HCN1: variants seen among roughly 807,000 people sequenced by gnomAD.
HCN1 encodes hyperpolarization activated cyclic nucleotide gated potassium channel 1.
HCN1 carries 13 observed loss-of-function variants against 78.9 expected under a neutral mutation model. That is an observed-to-expected ratio of 0.16 (90% CI 0.11 to 0.26). The LOEUF (loss-of-function observed/expected upper bound fraction) is 0.26, where lower values mean the gene tolerates loss of function less well. Among genes scored for constraint, HCN1 ranks in the 10% least tolerant of loss-of-function variants. The probability of loss-of-function intolerance (pLI) is 1.00; values close to 1 mark genes in which losing one functional copy is unlikely to be tolerated. For synonymous variants in HCN1, 552 were observed against 455.5 expected (o/e 1.21, Z -2.70); for missense variants, 810 against 1,154.3 (o/e 0.70, Z 4.32).
chr5:45,451,044 T>C (rs1225031231), intron 3 of HCN1, among the ~76,000 whole-genome samples: 1 of 152,144 alleles, frequency 6.6e-6, no homozygotes, highest in Non-Finnish European at 1.5e-5. Flanking sequence ...AATTTTGCAA[T>C]AATTTAATTC....
chr5:45,341,928 G>A (rs1466289565), intron 5 of HCN1, among the ~76,000 whole-genome samples: 1 of 152,030 alleles, frequency 6.6e-6, no homozygotes, highest in Non-Finnish European at 1.5e-5. Flanking sequence ...AGATCATTAG[G>A]CATCTACCTT....
At chr5:45,567,182 A>T (rs1390799507) in intron 2 of HCN1, among the ~76,000 whole-genome samples, 2 of 152,072 alleles carry the variant, frequency 1.3e-5, no homozygotes, top group Non-Finnish European at 2.9e-5. Flanking sequence ...ATGGAAATTT[A>T]TTCATCTGCC....
chr5:45,348,434 A>C (rs1222759720), intron 5 of HCN1, among the ~76,000 whole-genome samples: 1 of 152,158 alleles, frequency 6.6e-6, no homozygotes, highest in Non-Finnish European at 1.5e-5. Context: ...AAAGGCCATC[A>C]AGGCTAGGAA....
intron 1 of HCN1, among the ~76,000 whole-genome samples, chr5:45,657,194 C>A (rs1372071051): frequency 6.6e-6 from 1 of 152,146 alleles, no homozygotes; most frequent in Non-Finnish European, 1.5e-5. Flanking sequence ...AATCCTACAG[C>A]ATACTTTAAG....
At chr5:45,587,484 G>T (rs1744256636) in intron 2 of HCN1, among the ~76,000 whole-genome samples, 1 of 150,508 alleles carries the variant, frequency 6.6e-6, no homozygotes, top group Non-Finnish European at 1.5e-5. Context: ...TCACTCACAG[G>T]TGGGAATTGA....
intron 3 of HCN1, among the ~76,000 whole-genome samples, chr5:45,432,594 C>A (rs932073118): frequency 6.6e-6 from 1 of 152,180 alleles, no homozygotes; most frequent in Non-Finnish European, 1.5e-5. Flanking sequence ...CAGCTTTTGC[C>A]CATTCAGTAT....
At chr5:45,599,008 G>A (rs1744566350) in intron 2 of HCN1, among the ~76,000 whole-genome samples, 1 of 152,154 alleles carries the variant, frequency 6.6e-6, no homozygotes, top group South Asian at 2.1e-4. Context: ...CAGTGTGGCG[G>A]TTCCTCAAGG....
intron 4 of HCN1, among the ~76,000 whole-genome samples, chr5:45,358,237 T>G (rs1250371359): frequency 6.6e-6 from 1 of 152,098 alleles, no homozygotes. Flanking sequence ...GAGCTGTCTA[T>G]GAGGTGAGAA....
Position 45,259,367 on chromosome 5 carries a change from A to G in HCN1, c.*2554T>C, listed in dbSNP as rs940680340. On this transcript the variant is annotated 3_prime_UTR_variant, in exon 8 of 8. Coordinates refer to ENST00000303230, the MANE Select transcript of HCN1 (RefSeq NM_021072.4). ...CCCTGATCATACAGTTGTTGTAAGA[A>G]TCAGCTATTCTATTATCTTTCCAGC... 2.0e-5 allele frequency: 3 copies of G among 152,528 alleles called. No homozygotes were observed. The highest frequency in any genetic ancestry group is 2.9e-5 in the Non-Finnish European group (2 of 67,902). The allele number at this position is 152,528 out of a possible 1,614,324, so 9.4% of individuals were successfully genotyped here.
chr5:45,617,767 G>A (rs1744982013), intron 2 of HCN1, among the ~76,000 whole-genome samples: 1 of 143,324 alleles, frequency 7.0e-6, no homozygotes, highest in East Asian at 1.9e-4. Flanking sequence ...ATTTACTAAG[G>A]AGTAACCATT....
intron 2 of HCN1, among the ~76,000 whole-genome samples, chr5:45,541,026 T>C (rs913197933): frequency 1.3e-5 from 2 of 152,146 alleles, no homozygotes; most frequent in Admixed American, 6.5e-5. Flanking sequence ...ACAAAACTTA[T>C]TTAGTGCTCA....
chr5:45,515,640 A>G (rs1039194188), intron 2 of HCN1, among the ~76,000 whole-genome samples: 3 of 152,004 alleles, frequency 2.0e-5, no homozygotes, highest in African/African-American at 7.2e-5. Flanking sequence ...TATTCCTGCA[A>G]TGATACCATA....
intron 5 of HCN1, among the ~76,000 whole-genome samples, chr5:45,345,698 C>A (rs1224714921): frequency 6.6e-6 from 1 of 152,180 alleles, no homozygotes; most frequent in East Asian, 1.9e-4. Flanking sequence ...CTTTATTGAC[C>A]ATAGCACTTT....
chr5:45,338,762 G>A (rs545932955), intron 5 of HCN1, among the ~76,000 whole-genome samples: 3 of 152,132 alleles, frequency 2.0e-5, no homozygotes, highest in Middle Eastern at 3.4e-3. Flanking sequence ...AATGTAGTAG[G>A]TACATAATAC....
chr5:45,340,746 A>G (rs188735865), intron 5 of HCN1, among the ~76,000 whole-genome samples: 3 of 152,298 alleles, frequency 2.0e-5, no homozygotes, highest in Admixed American at 6.5e-5. Context: ...TTTCTTTATC[A>G]AAATAAACTT....
At chr5:45,371,260 G>C (rs1747350792) in intron 4 of HCN1, among the ~76,000 whole-genome samples, 1 of 151,770 alleles carries the variant, frequency 6.6e-6, no homozygotes, top group South Asian at 2.1e-4. Context: ...CTAGCAGACA[G>C]GAAATAACCA....
intron 3 of HCN1, among the ~76,000 whole-genome samples, chr5:45,429,345 C>T (rs1041489540): frequency 1.3e-5 from 2 of 152,114 alleles, no homozygotes; most frequent in Admixed American, 6.6e-5. Flanking sequence ...ATCTGTTCAG[C>T]TTTATATGGG....
chr5:45,296,205 T>G (rs955592022), intron 6 of HCN1, among the ~76,000 whole-genome samples: 1 of 151,964 alleles, frequency 6.6e-6, no homozygotes, highest in African/African-American at 2.4e-5. Context: ...ATTTTTCTCA[T>G]TTTTACATGG....
chr5:45,404,693 C>CAAAAAAAAAAAAAAAAA (rs60728403), intron 3 of HCN1, among the ~76,000 whole-genome samples: 23 of 56,232 alleles, frequency 4.1e-4, no homozygotes, highest in East Asian at 2.0e-3. Context: ...GGGCTATTTG[C>CAAAAAAAAAAAAAAAAA]AAAAAAAAAA....
Sources: gnomAD v4.1 joint callset for allele counts (sites outside exome capture counted in the v4.1 genomes callset) on GRCh38, gnomAD v4.1.1 for gene constraint, MANE v1.5 for transcripts, NCBI Gene and HGNC (gene_info 2026-07-23, HGNC 2026-07-21) for gene names.